Variants in TBC1D16 observed in about 807,000 individuals in gnomAD.
The protein encoded by TBC1D16 is CTD-2529O21.1.
Under a neutral mutation model 74.7 loss-of-function variants are expected in TBC1D16, and 58 were observed. That is an observed-to-expected ratio of 0.78 (90% confidence interval 0.63 to 0.97). The LOEUF (loss-of-function observed/expected upper bound fraction) is 0.97. Ranked by LOEUF, TBC1D16 falls within the 50% of genes least tolerant of loss-of-function variation. TBC1D16 has a pLI of 0.00. For missense variants in TBC1D16, 1,014 were observed against 1,079.5 expected, an observed-to-expected ratio of 0.94 and a Z score of 0.85; for synonymous variants, 493 against 474.7, an observed-to-expected ratio of 1.04 and a Z score of -0.50.
intron 3 of TBC1D16, among the ~76,000 whole-genome samples, chr17:79,972,534 C>T (rs951727554): frequency 1.3e-5 from 2 of 152,140 alleles, no homozygotes; most frequent in African/African-American, 4.8e-5. Context: ...CCTGACGTTA[C>T]GCTAAGTGAA....
At chr17:80,028,443 C>T (rs1159952478) in intron 1 of TBC1D16, among the ~76,000 whole-genome samples, 1 of 151,292 alleles carries the variant, frequency 6.6e-6, no homozygotes, top group Non-Finnish European at 1.5e-5. Flanking sequence ...GCAGGAGAAT[C>T]GCTTGAACCC....
intron 1 of TBC1D16, among the ~76,000 whole-genome samples, chr17:80,032,304 A>G (rs1381477506): frequency 6.6e-6 from 1 of 152,158 alleles, no homozygotes; most frequent in African/African-American, 2.4e-5. Context: ...GCACAGACTC[A>G]CCGCCCAAGG....
intron 3 of TBC1D16, among the ~76,000 whole-genome samples, chr17:79,995,550 CTG>C (rs2035238639): frequency 6.8e-6 from 1 of 148,004 alleles, no homozygotes; most frequent in Admixed American, 7.0e-5. Context: ...CTTTGGGAGG[CTG>C]AGGTGGGCAG....
chr17:80,016,393 A>C (rs538326719), intron 1 of TBC1D16, among the ~76,000 whole-genome samples: 14 of 152,306 alleles, frequency 9.2e-5, no homozygotes, highest in African/African-American at 3.1e-4. Flanking sequence ...CTGATACTTA[A>C]AAATGGTTAA....
rs972012853 is a variant in TBC1D16 at position 79,947,631 on chromosome 17, C to T, written c.1728+14G>A. 2.5e-6 allele frequency: 4 copies of T among 1,613,264 alleles called. No individual in the cohort carries two copies. The highest frequency in any genetic ancestry group is 3.4e-6 in the Non-Finnish European group (4 of 1,179,546). On this transcript the variant is annotated intron_variant, in intron 9 of 11. Transcript: ENST00000310924. ...TCACATGCCCTTGGACGCACCCATC[C>T]CCCTGAGCCTCACCAGTTGTTTCTC... is the stretch of plus-strand genomic sequence containing the variant.
At position 79,954,292 on chromosome 17, in the gene TBC1D16, G is replaced by A. The variant is rs768906705; in HGVS notation, c.780-1474C>T. Among the ~76,000 whole-genome samples the A allele has an allele frequency of 6.6e-6, 1 of 152,182 alleles. No homozygotes were observed. Among genetic ancestry groups the A allele is most frequent in the Non-Finnish European group, 1.5e-5 (1 of 68,040 alleles). ...GGTCTAAGTAAATAAAGCTCCTTTG[G>A]AGGGTTCCAGCACAATCCCTCCCCA... On this transcript the variant is annotated intron_variant, in intron 3 of 11. Coordinates refer to ENST00000310924, the MANE Select transcript of TBC1D16 (RefSeq NM_019020.4). This position sits in a 1 kb window ranked among gnomAD's most constrained non-coding sequence, Gnocchi z 5.5.
intron 3 of TBC1D16, among the ~76,000 whole-genome samples, chr17:79,958,077 T>C (rs1436895625): frequency 6.6e-6 from 1 of 151,588 alleles, no homozygotes; most frequent in Non-Finnish European, 1.5e-5. Flanking sequence ...TAAATGGAAA[T>C]AGAAACGGGA....
At chr17:80,017,945 AT>A (rs1305174946) in intron 1 of TBC1D16, among the ~76,000 whole-genome samples, 2 of 152,228 alleles carry the variant, frequency 1.3e-5, no homozygotes, top group South Asian at 2.1e-4. Context: ...AATTAAAAAA[AT>A]CACACTGCAA....
chr17:79,950,576 C>T lies in TBC1D16; in HGVS notation c.1092G>A (p.Gln364=). ...YCTEMQLKDQ[Q]VAPDKTCMQF... ...GCATGCATGTCTTATCGGGGGCGAC[C>T]TGCTGGACGGGAGGAAAACTGGGCA... The change falls in exon 6 of 12, where the codon CAG becomes CAA. Residue 364 remains glutamine, a splice_region_variant and synonymous_variant. Transcript: ENST00000310924. The surrounding 1 kb of genome is among the most constrained non-coding windows in gnomAD (Gnocchi z 4.6). 1 of 1,611,754 alleles carries T rather than the reference C, an allele frequency of 6.2e-7. No individual in the cohort carries two copies. The highest frequency in any genetic ancestry group is 8.5e-7 in the Non-Finnish European group (1 of 1,179,364).
rs187212749 is a variant in TBC1D16 at position 80,000,798 on chromosome 17, G to A, written c.779+9362C>T. Among the ~76,000 whole-genome samples the A allele has an allele frequency of 1.5e-4, 23 of 152,294 alleles. No homozygotes were observed. Among genetic ancestry groups the A allele is most frequent in the African/African-American group, 2.2e-4 (9 of 41,556 alleles). ...CTGAGGTACAGAGTGGTTCAACACC[G>A]TCCAAGGCCACCCCCTGCGGGTCTT... On this transcript the variant is annotated intron_variant, in intron 3 of 11. Coordinates refer to ENST00000310924, the MANE Select transcript of TBC1D16 (RefSeq NM_019020.4). The surrounding 1 kb of genome is among the most constrained non-coding windows in gnomAD (Gnocchi z 4.1).
intron 4 of TBC1D16, chr17:79,952,078 C>T (rs1189326271): frequency 1.3e-5 from 2 of 155,788 alleles, no homozygotes; most frequent in African/African-American, 4.8e-5. Flanking sequence ...CCCGGCTGCC[C>T]TTAGATGAAA....
chr17:79,957,647 G>A (rs889414516), intron 3 of TBC1D16, among the ~76,000 whole-genome samples: 9 of 152,060 alleles, frequency 5.9e-5, no homozygotes, highest in African/African-American at 2.2e-4. Flanking sequence ...CATTTGTCCA[G>A]ACCCATAGGA....
At position 79,940,095 on chromosome 17, in the gene TBC1D16, C is replaced by T. The variant is rs988117547; in HGVS notation, c.*764G>A. Reference sequence around the variant, plus strand: ...CCAAGGAACCTCACGTAGAAGACCCCCAGCAAAGAAAAAGGCATCAGATGC... The same window carrying T: ...CCAAGGAACCTCACGTAGAAGACCCTCAGCAAAGAAAAAGGCATCAGATGC... On this transcript the variant is annotated 3_prime_UTR_variant, in exon 12 of 12. Coordinates refer to ENST00000310924, the MANE Select transcript of TBC1D16 (RefSeq NM_019020.4). This position sits in a 1 kb window ranked among gnomAD's most constrained non-coding sequence, Gnocchi z 5.4. 1.3e-5 allele frequency: 2 copies of T among 152,124 alleles called. No homozygotes were observed. The highest frequency in any genetic ancestry group is 1.5e-5 in the Non-Finnish European group (1 of 68,038). The allele number at this position is 152,124 out of a possible 1,614,324, so 9.4% of individuals were successfully genotyped here.
chr17:79,977,056 A>T (rs2034360376), intron 3 of TBC1D16, among the ~76,000 whole-genome samples: 1 of 152,226 alleles, frequency 6.6e-6, no homozygotes, highest in African/African-American at 2.4e-5. Flanking sequence ...AAAATCCAGC[A>T]TTCAACCCAA....
At chr17:80,024,957 CCACA>C (rs1272053012) in intron 1 of TBC1D16, among the ~76,000 whole-genome samples, 1 of 144,626 alleles carries the variant, frequency 6.9e-6, no homozygotes, top group African/African-American at 2.7e-5. Context: ...CATAGACACA[CCACA>C]CACACAACCC....
intron 8 of TBC1D16, among the ~76,000 whole-genome samples, chr17:79,948,441 T>C (rs897848551): frequency 2.0e-5 from 3 of 152,170 alleles, no homozygotes; most frequent in African/African-American, 7.2e-5. Flanking sequence ...AGGGGTGGGC[T>C]GGCAGGGACA....
rs944049529 is a variant in TBC1D16, at chr17:79,987,238, ATTT to A, written c.779+22919_779+22921del. Among the ~76,000 whole-genome samples the A allele has an allele frequency of 6.7e-6, 1 of 149,430 alleles. No individual in the cohort carries two copies. ...CGGGGAATAAGCATTTCTTTAAGGA[ATTT>A]TTTTTTTACTTTTTTTTCAGACTGG... is the stretch of plus-strand genomic sequence containing the variant. On this transcript the variant is annotated intron_variant, in intron 3 of 11. Coordinates refer to ENST00000310924, the MANE Select transcript of TBC1D16 (RefSeq NM_019020.4). The surrounding 1 kb of genome is among the most constrained non-coding windows in gnomAD (Gnocchi z 5.2).
At chr17:79,949,070 C>A (rs1343626653) in intron 7 of TBC1D16, 64 bp from the exon 8 acceptor site, 13 of 1,603,594 alleles carry the variant, frequency 8.1e-6, no homozygotes, top group Non-Finnish European at 1.0e-5. Context: ...GTGTGGCGCA[C>A]ACACTGCAGG....
chr17:79,972,428 G>A (rs754446085), intron 3 of TBC1D16, among the ~76,000 whole-genome samples: 1 of 152,048 alleles, frequency 6.6e-6, no homozygotes, highest in Admixed American at 6.6e-5. Context: ...ACCCGCCTTG[G>A]CCTCCCAAAA....
Sources: gnomAD v4.1 joint callset for allele counts (sites outside exome capture counted in the v4.1 genomes callset) on GRCh38, gnomAD v4.1.1 for gene constraint, Gnocchi (gnomAD v3.1) non-coding constraint, MANE v1.5 for transcripts, NCBI Gene and HGNC (gene_info 2026-07-23, HGNC 2026-07-21) for gene names.